CASP1: variants seen among roughly 807,000 people sequenced by gnomAD.
CASP1 encodes caspase-1.
A neutral mutation model predicts 41.2 loss-of-function variants in CASP1; 31 were observed. The ratio of observed to expected loss-of-function variants is 0.75; its 90% CI spans 0.57 to 1.02. The LOEUF is 1.02. CASP1 is among the 50% of genes least tolerant of loss of function. The pLI, the probability that CASP1 is intolerant of heterozygous loss-of-function variation, is 0.00. For missense variants in CASP1, 490 were observed against 495.7 expected (o/e 0.99, Z 0.11); for synonymous variants, 163 against 166.5 (o/e 0.98, Z 0.16).
In CASP1 at chr11:105,026,281, A is replaced by C; in HGVS notation, c.1192T>G (p.Phe398Val). ...TTERVTLTRC[F>V]YLFPGH Reference sequence around the variant, plus strand: ...TTTTAATGTCCTGGGAAGAGGTAGAAACATCTTGTCAAAGTCACTCTTTCA... The same window carrying C: ...TTTTAATGTCCTGGGAAGAGGTAGACACATCTTGTCAAAGTCACTCTTTCA... Residue 398 changes from phenylalanine to valine, a missense_variant, in exon 9 of 9, where the codon TTC becomes GTC. By Grantham distance (50) the Phe-to-Val change is conservative. Transcript: ENST00000533400. The C allele has an allele frequency of 6.2e-7, 1 of 1,608,402 alleles. No individual in the cohort carries two copies.
intron 7 of CASP1, among the ~76,000 whole-genome samples, chr11:105,028,033 C>T (rs74689608): frequency 0.026 from 4,008 of 152,048 alleles, 156 homozygotes; most frequent in African/African-American, 0.09. Flanking sequence ...ACTTAGAGAG[C>T]GGTGAATGTC....
intron 7 of CASP1, among the ~76,000 whole-genome samples, chr11:105,027,565 T>G (rs1460914294): frequency 6.6e-6 from 1 of 152,074 alleles, no homozygotes; most frequent in East Asian, 1.9e-4. Flanking sequence ...CATAAAATTA[T>G]GCAAAGGAAG....
chr11:105,032,212 A>G (rs1591202302), intron 3 of CASP1, among the ~76,000 whole-genome samples: 1 of 152,222 alleles, frequency 6.6e-6, no homozygotes, highest in East Asian at 1.9e-4. Flanking sequence ...GAGAAGAACG[A>G]ATTAGAATAG....
chr11:105,030,257 C>A lies in CASP1; in HGVS notation c.627+73G>T. The A allele has an allele frequency of 4.6e-6, 6 of 1,306,984 alleles. No homozygotes were observed. The South Asian group carries it at 5.6e-5, about 12-fold the overall frequency. 81.0% of individuals were successfully genotyped at this position (1,306,984 alleles called of 1,614,324 possible). On this transcript the variant is annotated intron_variant, in intron 5 of 8. Coordinates refer to ENST00000533400, the MANE Select transcript of CASP1 (RefSeq NM_001257118.3). ...CAAGAGATTACATTTCTTGGTCTTA[C>A]AACCAAGCTTTCTAATATTATTCAG...
At chr11:105,028,335 A>C (rs1863452583) in intron 7 of CASP1, among the ~76,000 whole-genome samples, 1 of 152,156 alleles carries the variant, frequency 6.6e-6, no homozygotes, top group Non-Finnish European at 1.5e-5. Context: ...AAGTCCTCTC[A>C]GGAAACTGCC....
rs7101924 is a variant in CASP1 at position 105,027,770 on chromosome 11, G to A, written c.1007-819C>T. On this transcript the variant is annotated intron_variant, in intron 7 of 8. Transcript: ENST00000533400. ...TAAAAGGAAGTAAGTGAAAGATATC[G>A]TGGAGACAGATATCTTTGCAAATGT... is the stretch of plus-strand genomic sequence containing the variant. 3.2e-3 allele frequency among the ~76,000 whole-genome samples: 490 copies of A among 152,168 alleles called. 3 individuals carry two copies. The highest frequency in any genetic ancestry group is 0.02 in the East Asian group (101 of 5,168).
Position 105,035,087 on chromosome 11 carries a change from T to C in CASP1, c.7+20A>G, listed in dbSNP as rs950061207. ...CTCTTTCTTCCCAGGGACCTGTTCT[T>C]GGAACAGTAAAAGACTCACCGGCCA... On this transcript the variant is annotated intron_variant, in intron 1 of 8. Transcript: ENST00000533400. 2 of 1,613,004 alleles carry C rather than the reference T, an allele frequency of 1.2e-6. No homozygotes were observed. The highest frequency in any genetic ancestry group is 1.7e-5 in the Admixed American group (1 of 60,018).
upstream of CASP1, chr11:105,035,163 G>A (rs180804835): frequency 7.3e-4 from 1,178 of 1,613,286 alleles, 5 homozygotes; most frequent in African/African-American, 9.8e-3. Context: ...AGTATGCTTC[G>A]CCTTCCTTTT....
Position 105,030,444 on chromosome 11 carries a change from T to C in CASP1, c.513A>G (p.Glu171=), listed in dbSNP as rs776651091. Residue 171 remains glutamate, a synonymous_variant, in exon 5 of 9, where the codon GAA becomes GAG. Coordinates refer to ENST00000533400, the MANE Select transcript of CASP1 (RefSeq NM_001257118.3). ...RTRLALIICN[E]EFDSIPRRTG... is the part of the protein sequence containing the mutation. ...TTCTTCTAGGAATACTGTCAAATTC[T>C]TCATTGCAGATAATGAGAGCAAGAC... 10 of 1,613,662 alleles carry C rather than the reference T, an allele frequency of 6.2e-6. No homozygotes were observed. Among genetic ancestry groups the C allele is most frequent in the South Asian group, 1.1e-5 (1 of 91,078 alleles).
At chr11:105,033,584 T>C (rs1033457168) in intron 2 of CASP1, among the ~76,000 whole-genome samples, 2 of 152,116 alleles carry the variant, frequency 1.3e-5, no homozygotes, top group Non-Finnish European at 2.9e-5. Context: ...GGGTTGCAAG[T>C]GGAGGATTTC....
chr11:105,028,249 T>C (rs1008156073), intron 7 of CASP1, among the ~76,000 whole-genome samples: 3 of 152,084 alleles, frequency 2.0e-5, no homozygotes, highest in African/African-American at 7.2e-5. Flanking sequence ...GATATCTCAT[T>C]TTAGAAAATA....
At position 105,029,176 on chromosome 11, in the gene CASP1, A is replaced by G. The variant is rs561663258; in HGVS notation, c.954T>C (p.Ile318=). 1 of 1,613,352 alleles carries G rather than the reference A, an allele frequency of 6.2e-7. No individual in the cohort carries two copies. Among genetic ancestry groups the G allele is most frequent in the South Asian group, 1.1e-5 (1 of 91,052 alleles). Residue 318 remains isoleucine (I), a synonymous_variant, in exon 7 of 9, where the codon ATT becomes ATC. Coordinates refer to ENST00000533400, the MANE Select transcript of CASP1 (RefSeq NM_001257118.3). ...PTTEEFEDDA[I]KKAHIEKDFI... ...AATCCTTCTCTATGTGGGCTTTCTT[A>G]ATAGCATCATCCTCAAACTCTTCTG...
At chr11:105,027,865 C>T (rs1419422096) in intron 7 of CASP1, among the ~76,000 whole-genome samples, 2 of 152,014 alleles carry the variant, frequency 1.3e-5, no homozygotes, top group African/African-American at 4.8e-5. Flanking sequence ...GGGATTGGCA[C>T]AGCAGAATGT....
At chr11:105,033,180 T>C in intron 2 of CASP1, 54 bp from the exon 3 acceptor site, 2 of 1,044,172 alleles carry the variant, frequency 1.9e-6, no homozygotes, top group African/African-American at 1.6e-5. Context: ...TGGAAAACTT[T>C]ACCCCAATCT....
In CASP1 at chr11:105,034,491, G is replaced by T; in HGVS notation, c.8-17C>A. On this transcript the variant is annotated splice_polypyrimidine_tract_variant and intron_variant, in intron 1 of 8. Transcript: ENST00000533400. ...GGACCTTGTCTGTTTAGAGCACAAG[G>T]ATTTCTCACATCATGAAAACAGCCT... 1 of 1,612,848 alleles carries T rather than the reference G, an allele frequency of 6.2e-7. No homozygotes were observed. The highest frequency in any genetic ancestry group is 8.5e-7 in the Non-Finnish European group (1 of 1,179,072).
chr11:105,026,516 A>C lies in CASP1; in HGVS notation c.1117-160T>G, dbSNP rs1863297712. ...ACAAGTATAACCATATATGTATGTA[A>C]GCATTGAATGACCCTCCTCAGGGCA... On this transcript the variant is annotated intron_variant, in intron 8 of 8. Coordinates refer to ENST00000533400, the MANE Select transcript of CASP1 (RefSeq NM_001257118.3). 9.9e-6 allele frequency: 6 copies of C among 609,066 alleles called. No homozygotes were observed. In the South Asian group the frequency reaches 1.2e-4, roughly 12 times the overall value. 37.7% of individuals were successfully genotyped at this position (609,066 alleles called of 1,614,324 possible). A position where few individuals can be genotyped will look rare whatever the true frequency, so the allele number is the denominator to read the frequency against.
At chr11:105,027,305 A>G (rs960508734) in intron 7 of CASP1, 3 of 382,898 alleles carry the variant, frequency 7.8e-6, no homozygotes, top group African/African-American at 4.1e-5. Context: ...TACATGGGGT[A>G]ATTATATTAT....
intron 7 of CASP1, among the ~76,000 whole-genome samples, chr11:105,028,475 G>A (rs1202539096): frequency 2.0e-5 from 3 of 151,876 alleles, no homozygotes; most frequent in Non-Finnish European, 1.5e-5. Context: ...ATTTTGTGTC[G>A]TGCCCAATAT....
At chr11:105,026,611 T>C (rs1240204966) in intron 8 of CASP1, 1 of 601,938 alleles carries the variant, frequency 1.7e-6, no homozygotes, top group Admixed American at 2.9e-5. Context: ...CATTTGTCTC[T>C]GCAGGGCAGG....
Sources: allele counts gnomAD v4.1 joint callset (sites outside exome capture counted in the v4.1 genomes callset), GRCh38; gene constraint gnomAD v4.1.1; transcripts MANE v1.5; gene names NCBI Gene and HGNC (gene_info 2026-07-23, HGNC 2026-07-21).